Variants in IMMP2L observed in about 807,000 individuals in gnomAD.
IMMP2L encodes mitochondrial inner membrane protease subunit 2.
In IMMP2L, 18 loss-of-function variants were observed where a neutral mutation model predicts 19.3. That is an observed-to-expected ratio of 0.93 (90% confidence interval 0.64 to 1.38). The LOEUF is 1.38. Ranked by LOEUF, IMMP2L falls within the 40% of genes most tolerant of loss-of-function variation. IMMP2L has a pLI of 0.00. For synonymous variants in IMMP2L, 76 were observed against 73.0 expected (o/e 1.04, Z -0.21); for missense variants, 233 against 218.2 (o/e 1.07, Z -0.43).
chr7:111,292,500 A>C (rs1821220699), intron 3 of IMMP2L, among the ~76,000 whole-genome samples: 1 of 152,040 alleles, frequency 6.6e-6, no homozygotes, highest in Non-Finnish European at 1.5e-5. Context: ...CCAACTTGCC[A>C]TGATTTTTTT....
chr7:110,860,251 A>C (rs1464222481), intron 5 of IMMP2L, among the ~76,000 whole-genome samples: 2 of 152,166 alleles, frequency 1.3e-5, no homozygotes, highest in Middle Eastern at 3.4e-3. Flanking sequence ...TAAATAGCAA[A>C]TTTTTCATTT....
At chr7:111,265,007 G>A (rs1308486710) in intron 3 of IMMP2L, among the ~76,000 whole-genome samples, 1 of 152,122 alleles carries the variant, frequency 6.6e-6, no homozygotes, top group African/African-American at 2.4e-5. Flanking sequence ...ACTGTTTAAA[G>A]CAAGCAAGCA....
intron 3 of IMMP2L, among the ~76,000 whole-genome samples, chr7:111,452,437 A>T (rs939392373): frequency 1.3e-5 from 2 of 152,186 alleles, no homozygotes; most frequent in African/African-American, 2.4e-5. Flanking sequence ...CTCAAATGCT[A>T]CCAAAATCCT....
chr7:111,085,250 C>G lies in IMMP2L; in HGVS notation c.240-121685G>C, dbSNP rs542417075. 3.3e-5 allele frequency among the ~76,000 whole-genome samples: 5 copies of G among 152,212 alleles called. No individual in the cohort carries two copies. In the East Asian group the frequency reaches 9.7e-4, roughly 29 times the overall value. ...TTCGTATCTTTCATTAAAAGTAAGA[C>G]CTTTGGGTATATACACAGTAATGGG... On this transcript the variant is annotated intron_variant, in intron 3 of 5. Coordinates refer to ENST00000405709, the MANE Select transcript of IMMP2L (RefSeq NM_032549.4).
intron 3 of IMMP2L, among the ~76,000 whole-genome samples, chr7:111,342,735 G>A (rs973082907): frequency 7.9e-5 from 12 of 151,806 alleles, no homozygotes; most frequent in East Asian, 7.7e-4. Flanking sequence ...ATTATTCAAC[G>A]AGCATTGTCT....
At chr7:111,275,998 TG>T (rs1211950721) in intron 3 of IMMP2L, among the ~76,000 whole-genome samples, 1 of 152,172 alleles carries the variant, frequency 6.6e-6, no homozygotes, top group Non-Finnish European at 1.5e-5. Context: ...AGGGATAATT[TG>T]ACTTCCTCAT....
At chr7:110,869,934 GATATCTTGACAA>G (rs773367517) in intron 5 of IMMP2L, among the ~76,000 whole-genome samples, 3 of 151,858 alleles carry the variant, frequency 2.0e-5, no homozygotes, top group Non-Finnish European at 2.9e-5. Context: ...ATATCTCTTT[GATATCTTGACAA>G]ATATCTTGTA....
In IMMP2L at chr7:110,963,145, A is replaced by G. The variant is rs115566280; in HGVS notation, c.305+355T>C. The G allele has an allele frequency of 8.0e-4, 1,141 of 1,419,704 alleles. 1 individual carries two copies. In the African/African-American group the frequency reaches 9.7e-3, roughly 12 times the overall value. 87.9% of individuals were successfully genotyped at this position (1,419,704 alleles called of 1,614,324 possible). On this transcript the variant is annotated intron_variant, in intron 4 of 5. Transcript: ENST00000405709. ...CTGCATTTGCTTCTAAAATAGTTAA[A>G]TGTTCTTGAATTTTTTTAAATGAAC...
At chr7:111,307,021 A>T (rs1822954244) in intron 3 of IMMP2L, among the ~76,000 whole-genome samples, 1 of 148,980 alleles carries the variant, frequency 6.7e-6, no homozygotes, top group African/African-American at 2.4e-5. Flanking sequence ...TTCTATATAT[A>T]TTTTTCTATC....
intron 3 of IMMP2L, among the ~76,000 whole-genome samples, chr7:111,323,670 T>G (rs767203060): frequency 1.1e-4 from 16 of 152,132 alleles, no homozygotes; most frequent in Non-Finnish European, 2.4e-4. Context: ...TAAAACATGC[T>G]TCTATAAAGA....
chr7:111,151,964 A>T (rs1804122697), intron 3 of IMMP2L, among the ~76,000 whole-genome samples: 1 of 152,120 alleles, frequency 6.6e-6, no homozygotes, highest in African/African-American at 2.4e-5. Flanking sequence ...TGAAAACAAT[A>T]TTTGAGATTA....
intron 5 of IMMP2L, among the ~76,000 whole-genome samples, chr7:110,750,332 G>A (rs1343185515): frequency 2.0e-5 from 3 of 151,918 alleles, no homozygotes. Flanking sequence ...CTTCCATAAA[G>A]GGATTGTTCA....
At chr7:110,977,355 T>G (rs1820803436) in intron 3 of IMMP2L, among the ~76,000 whole-genome samples, 1 of 151,998 alleles carries the variant, frequency 6.6e-6, no homozygotes, top group Admixed American at 6.6e-5. Flanking sequence ...ATGTTACTGC[T>G]GATCCCCAAA....
chr7:111,031,407 T>TGTGTGTGTGTGTGTGTGTGTGTGA (rs147571783), intron 3 of IMMP2L, among the ~76,000 whole-genome samples: 2 of 147,102 alleles, frequency 1.4e-5, no homozygotes, highest in Admixed American at 6.8e-5. Flanking sequence ...TGTGTGTGTG[T>TGTGTGTGTGTGTGTGTGTGTGTGA]GAGAGAAAGA....
intron 1 of IMMP2L, among the ~76,000 whole-genome samples, chr7:111,530,714 T>C (rs760080488): frequency 1.3e-5 from 2 of 151,958 alleles, no homozygotes; most frequent in Non-Finnish European, 2.9e-5. Context: ...AAAAAGGAAT[T>C]AGAATGTAGG....
rs185887914 is a variant in IMMP2L at position 111,485,029 on chromosome 7, C to A, written c.239+2209G>T. 3.6e-3 allele frequency among the ~76,000 whole-genome samples: 550 copies of A among 152,170 alleles called. 3 individuals carry two copies. The highest frequency in any genetic ancestry group is 0.013 in the African/African-American group (524 of 41,534). On this transcript the variant is annotated intron_variant, in intron 3 of 5. Transcript: ENST00000405709. ...TCTCAAACTCCTGGGCTTAAGGGAT[C>A]CACACACCTTGCCCTCCCAAAGTGC...
At chr7:111,159,211 A>T (rs1043767300) in intron 3 of IMMP2L, among the ~76,000 whole-genome samples, 1 of 152,020 alleles carries the variant, frequency 6.6e-6, no homozygotes, top group African/African-American at 2.4e-5. Flanking sequence ...CGCCTCCCAG[A>T]TTCAAGTGAT....
At chr7:111,087,585 G>A (rs1796463974) in intron 3 of IMMP2L, among the ~76,000 whole-genome samples, 1 of 151,686 alleles carries the variant, frequency 6.6e-6, no homozygotes, top group African/African-American at 2.4e-5. Flanking sequence ...ACAAATATAT[G>A]TTAGTGCTCG....
intron 3 of IMMP2L, among the ~76,000 whole-genome samples, chr7:111,362,505 G>C (rs1475991222): frequency 1.3e-5 from 2 of 151,462 alleles, no homozygotes; most frequent in African/African-American, 2.4e-5. Context: ...CTCTGTTTAT[G>C]AAAGAACTGA....
Sources: gnomAD v4.1 joint callset for allele counts (sites outside exome capture counted in the v4.1 genomes callset) on GRCh38, gnomAD v4.1.1 for gene constraint, MANE v1.5 for transcripts, NCBI Gene and HGNC (gene_info 2026-07-23, HGNC 2026-07-21) for gene names.